CDH23: variants seen among roughly 807,000 people sequenced by gnomAD.
CDH23 encodes the protein cadherin related 23.
CDH23 carries 189 observed loss-of-function variants against 317.1 expected under a neutral mutation model. The observed-to-expected ratio is 0.60, with a 90% CI of 0.53 to 0.67. The LOEUF (loss-of-function observed/expected upper bound fraction) is 0.67. Among genes scored for constraint, CDH23 ranks in the 30% least tolerant of loss-of-function variants. CDH23 has a pLI of 0.00. For synonymous variants in CDH23, 1,839 were observed against 1,876.8 expected (o/e 0.98, Z 0.52); for missense variants, 4,401 against 4,592.4 (o/e 0.96, Z 1.20).
intron 1 of CDH23, among the ~76,000 whole-genome samples, chr10:71,436,527 G>C (rs1012685466): frequency 1.3e-5 from 2 of 152,240 alleles, no homozygotes; most frequent in African/African-American, 4.8e-5. Context: ...AGGAGACTCT[G>C]ACTCAGGCAG....
chr10:71,578,577 ATG>A (rs1330137767), intron 9 of CDH23, among the ~76,000 whole-genome samples: 1 of 151,834 alleles, frequency 6.6e-6, no homozygotes, highest in Non-Finnish European at 1.5e-5. Context: ...GTTCCGGGTG[ATG>A]GGATCCCTGA....
In CDH23 at chr10:71,733,972, CAAG is replaced by C. The variant is rs1424555156; in HGVS notation, c.4105-263_4105-261del. Among the ~76,000 whole-genome samples the C allele has an allele frequency of 3.3e-5, 5 of 152,304 alleles. No individual in the cohort carries two copies. The East Asian group carries it at 7.7e-4, about 23-fold the overall frequency. ...ATCCAGGATGCAAATCAGAGCGCCA[CAAG>C]AAGATGTGCAGAGAACTACAACAGA... On this transcript the variant is annotated intron_variant, in intron 32 of 69. Coordinates refer to ENST00000224721, the MANE Select transcript of CDH23 (RefSeq NM_022124.6).
intron 9 of CDH23, among the ~76,000 whole-genome samples, chr10:71,598,987 G>A (rs889103569): frequency 4.0e-4 from 61 of 152,268 alleles, no homozygotes; most frequent in Non-Finnish European, 5.1e-4. Context: ...GCAGGCTGCC[G>A]GGATGAAATG....
In CDH23 at chr10:71,705,047, G is replaced by A. The variant is rs748047907; in HGVS notation, c.2870G>A (p.Arg957His). ...ACCACCACCGAGCTGGACCGCGAGC[G>A]CATCGCGGAGTACCAGCTGCGGGTG... The part of the protein sequence containing the change: ...VVTTTELDRE[R>H]IAEYQLRVVA... Residue 957 changes from arginine to histidine, a missense_variant, in exon 25 of 70, where the codon CGC (arginine) becomes CAC (histidine). Coordinates refer to ENST00000224721, the MANE Select transcript of CDH23 (RefSeq NM_022124.6). The A allele has an allele frequency of 2.9e-5, 47 of 1,612,486 alleles. No individual in the cohort carries two copies. The highest frequency in any genetic ancestry group is 1.6e-4 in the Middle Eastern group (1 of 6,082).
At chr10:71,727,135 T>G (rs74861291) in intron 30 of CDH23, among the ~76,000 whole-genome samples, 2 of 152,192 alleles carry the variant, frequency 1.3e-5, no homozygotes, top group Non-Finnish European at 2.9e-5. Flanking sequence ...GTAACCCTCA[T>G]AATAGCCTTA....
intron 3 of CDH23, among the ~76,000 whole-genome samples, chr10:71,449,695 T>C (rs1227996845): frequency 2.6e-5 from 4 of 152,244 alleles, no homozygotes; most frequent in Admixed American, 6.5e-5. Flanking sequence ...TATCTATATG[T>C]AGCTTCTGTG....
chr10:71,592,693 A>G (rs745492984), intron 9 of CDH23, among the ~76,000 whole-genome samples: 1 of 152,088 alleles, frequency 6.6e-6, no homozygotes, highest in Non-Finnish European at 1.5e-5. Flanking sequence ...AAGATCTTTA[A>G]CCAAACTACA....
intron 9 of CDH23, among the ~76,000 whole-genome samples, chr10:71,599,945 A>G (rs1451704604): frequency 7.0e-6 from 1 of 141,924 alleles, no homozygotes; most frequent in Middle Eastern, 3.5e-3. Flanking sequence ...ACTCCACTGG[A>G]GGGAAACTGT....
chr10:71,678,175 A>G (rs1474353126), intron 16 of CDH23, among the ~76,000 whole-genome samples: 1 of 152,076 alleles, frequency 6.6e-6, no homozygotes, highest in Non-Finnish European at 1.5e-5. Context: ...CATCTCCCTT[A>G]GCAAGGGCAT....
chr10:71,702,021 G>T lies in CDH23; in HGVS notation c.2398-1G>T, dbSNP rs751788879. The T allele has an allele frequency of 1.2e-6, 2 of 1,613,426 alleles. No homozygotes were observed. The highest frequency in any genetic ancestry group is 1.7e-6 in the Non-Finnish European group (2 of 1,179,868). ...GAAGGGGTCTGCTCCCTCCCGGGCA[G>T]GTGGTGGCTGTTGACCCAGACCTGG... On this transcript the variant is annotated splice_acceptor_variant, in intron 22 of 69. Coordinates refer to ENST00000224721, the MANE Select transcript of CDH23 (RefSeq NM_022124.6). LOFTEE classifies it high-confidence loss of function.
At chr10:71,519,906 A>C (rs1854565312) in intron 6 of CDH23, among the ~76,000 whole-genome samples, 1 of 151,408 alleles carries the variant, frequency 6.6e-6, no homozygotes, top group Non-Finnish European at 1.5e-5. Flanking sequence ...CTCCTACATC[A>C]GCCTCCCAAG....
At chr10:71,541,853 G>T (rs545681132) in intron 6 of CDH23, among the ~76,000 whole-genome samples, 7 of 152,312 alleles carry the variant, frequency 4.6e-5, no homozygotes, top group African/African-American at 1.7e-4. Context: ...TAGATGCTGA[G>T]ATTTGAATTT....
At chr10:71,468,319 T>A (rs1392976931) in intron 3 of CDH23, among the ~76,000 whole-genome samples, 1 of 152,216 alleles carries the variant, frequency 6.6e-6, no homozygotes, top group African/African-American at 2.4e-5. Context: ...TGCTTGGACA[T>A]GATAAATGCA....
intron 20 of CDH23, among the ~76,000 whole-genome samples, chr10:71,691,546 C>A (rs1259369185): frequency 1.3e-5 from 2 of 151,790 alleles, no homozygotes; most frequent in Non-Finnish European, 2.9e-5. Flanking sequence ...AATTCAAATT[C>A]ATATAGTCAA....
At chr10:71,427,228 A>AGAAAGAAAGAAAGAAAGG (rs1490641673) in intron 1 of CDH23, among the ~76,000 whole-genome samples, 10 of 81,216 alleles carry the variant, frequency 1.2e-4, no homozygotes, top group African/African-American at 5.1e-4. Context: ...AAAGAAAGAA[A>AGAAAGAAAGAAAGAAAGG]GAAAGAAAGA....
At chr10:71,398,936 C>T (rs1421482233) in intron 1 of CDH23, among the ~76,000 whole-genome samples, 3 of 152,108 alleles carry the variant, frequency 2.0e-5, no homozygotes, top group African/African-American at 7.2e-5. Flanking sequence ...GTGCTGGGTC[C>T]GCATATACTT....
chr10:71,802,265 G>A (rs544896569), intron 53 of CDH23, among the ~76,000 whole-genome samples: 22 of 152,324 alleles, frequency 1.4e-4, no homozygotes, highest in African/African-American at 4.1e-4. Flanking sequence ...CCGAGATTGC[G>A]CCATTGCACT....
chr10:71,719,363 C>T lies in CDH23; in HGVS notation c.3370-4682C>T, dbSNP rs1835260918. 2.6e-5 allele frequency among the ~76,000 whole-genome samples: 4 copies of T among 152,334 alleles called. No homozygotes were observed. In the South Asian group the frequency reaches 8.3e-4, roughly 32 times the overall value. ...GGCCAGGGTGCACCAGCGGGCCCTG[C>T]TCTGGACATATCTCTGCAAGCTCAG... On this transcript the variant is annotated intron_variant, in intron 28 of 69. Transcript: ENST00000224721.
intron 6 of CDH23, among the ~76,000 whole-genome samples, chr10:71,535,759 G>A (rs1393129274): frequency 6.6e-6 from 1 of 152,228 alleles, no homozygotes; most frequent in Non-Finnish European, 1.5e-5. Flanking sequence ...GGGCACAGCT[G>A]GAGCCCACCC....
Sources: allele counts gnomAD v4.1 joint callset (sites outside exome capture counted in the v4.1 genomes callset), GRCh38; gene constraint gnomAD v4.1.1; transcripts MANE v1.5; gene names NCBI Gene and HGNC (gene_info 2026-07-23, HGNC 2026-07-21).